The following ASIC2 variants were observed in gnomAD, a reference collection of about 807,000 sequenced individuals.
The protein encoded by ASIC2 is acid-sensing ion channel 2.
In ASIC2, 25 loss-of-function variants were observed where a neutral mutation model predicts 57.3. The ratio of observed to expected loss-of-function variants is 0.44; its 90% CI spans 0.32 to 0.61. ASIC2 has a LOEUF of 0.61. Ranked by LOEUF, ASIC2 falls within the 20% of genes least tolerant of loss-of-function variation. The pLI is 0.06. For missense variants in ASIC2, 641 were observed against 738.1 expected (o/e 0.87, Z 1.52); for synonymous variants, 319 against 307.5 (o/e 1.04, Z -0.39).
chr17:33,805,536 A>G (rs1912245078), intron 1 of ASIC2, among the ~76,000 whole-genome samples: 1 of 152,304 alleles, frequency 6.6e-6, no homozygotes, highest in African/African-American at 2.4e-5. Context: ...TTAGAATCCA[A>G]TGAGTGTCAA....
intron 1 of ASIC2, among the ~76,000 whole-genome samples, chr17:33,390,472 TA>T (rs1275394265): frequency 7.2e-5 from 11 of 152,322 alleles, no homozygotes; most frequent in Middle Eastern, 3.4e-3. Context: ...TTTTGTGGCT[TA>T]AAAAACTCAC....
At chr17:33,977,809 A>G (rs909501588) in intron 1 of ASIC2, among the ~76,000 whole-genome samples, 3 of 152,122 alleles carry the variant, frequency 2.0e-5, no homozygotes, top group Non-Finnish European at 2.9e-5. Flanking sequence ...GTTCCCAGGG[A>G]CAGAGAAGGC....
At chr17:33,119,993 A>G (rs1485577851) in intron 1 of ASIC2, among the ~76,000 whole-genome samples, 1 of 152,222 alleles carries the variant, frequency 6.6e-6, no homozygotes, top group Non-Finnish European at 1.5e-5. Context: ...GTTAAGGCTC[A>G]CAAAGCTCTT....
chr17:33,744,596 C>T (rs905220024), intron 1 of ASIC2, among the ~76,000 whole-genome samples: 1 of 152,064 alleles, frequency 6.6e-6, no homozygotes, highest in East Asian at 1.9e-4. Context: ...AAATCAGTAT[C>T]CAGAATTGCT....
chr17:33,217,714 A>G (rs919809594), intron 1 of ASIC2, among the ~76,000 whole-genome samples: 11 of 152,170 alleles, frequency 7.2e-5, no homozygotes, highest in Non-Finnish European at 1.5e-5. Flanking sequence ...GTCCTGTTTG[A>G]ACTTCAGGTT....
chr17:33,855,922 T>C (rs969515613), intron 1 of ASIC2, among the ~76,000 whole-genome samples: 1 of 152,082 alleles, frequency 6.6e-6, no homozygotes, highest in Non-Finnish European at 1.5e-5. Context: ...ATGCTGGTGC[T>C]ATGCCTGGAT....
At chr17:33,746,331 T>G (rs1910258972) in intron 1 of ASIC2, among the ~76,000 whole-genome samples, 1 of 149,344 alleles carries the variant, frequency 6.7e-6, no homozygotes, top group African/African-American at 2.4e-5. Flanking sequence ...TATACATATA[T>G]GTATATATAC....
At chr17:33,449,347 G>A (rs1308128367) in intron 1 of ASIC2, among the ~76,000 whole-genome samples, 1 of 152,166 alleles carries the variant, frequency 6.6e-6, no homozygotes, top group Non-Finnish European at 1.5e-5. Context: ...GTCAAGATCT[G>A]CAGCCTTGTG....
At chr17:34,085,370 G>T (rs1910071335) in intron 1 of ASIC2, among the ~76,000 whole-genome samples, 1 of 152,204 alleles carries the variant, frequency 6.6e-6, no homozygotes, top group Non-Finnish European at 1.5e-5. Context: ...AACCAGACTT[G>T]CATCCCAGGG....
At chr17:33,829,579 C>CTT (rs34205959) in intron 1 of ASIC2, among the ~76,000 whole-genome samples, 5 of 138,932 alleles carry the variant, frequency 3.6e-5, no homozygotes, top group Admixed American at 7.2e-5. Flanking sequence ...TTAAACTTTT[C>CTT]TTTTTTTTTT....
chr17:33,755,891 A>T (rs1910589155), intron 1 of ASIC2, among the ~76,000 whole-genome samples: 3 of 152,234 alleles, frequency 2.0e-5, no homozygotes, highest in Non-Finnish European at 4.4e-5. Flanking sequence ...CGAGGAGGGC[A>T]GAGAGGGCCC....
intron 1 of ASIC2, among the ~76,000 whole-genome samples, chr17:33,405,608 T>C (rs1475521779): frequency 1.3e-5 from 2 of 151,480 alleles, no homozygotes; most frequent in South Asian, 4.2e-4. Flanking sequence ...CTCAGCCTCC[T>C]GAGTAGCTGG....
chr17:34,149,077 TTTTC>T (rs1468975916), intron 1 of ASIC2, among the ~76,000 whole-genome samples: 1 of 151,798 alleles, frequency 6.6e-6, no homozygotes, highest in African/African-American at 2.4e-5. Context: ...GCGATTTTTC[TTTTC>T]TTTCTTTTTT....
At chr17:34,103,244 T>G (rs891855135) in intron 1 of ASIC2, among the ~76,000 whole-genome samples, 7 of 152,246 alleles carry the variant, frequency 4.6e-5, no homozygotes, top group Middle Eastern at 3.4e-3. Flanking sequence ...CTCCCAGGCT[T>G]GAGCCACGCT....
rs528253550 is a variant in ASIC2 at position 33,522,533 on chromosome 17, C to T, written c.556-410466G>A. ...AGCAACTCACTAAACTTCTCTGACC[C>T]TCTGTTTCCTCATCTGTGAAATAGG... On this transcript the variant is annotated intron_variant, in intron 1 of 9. Transcript: ENST00000359872. Among the ~76,000 whole-genome samples, 24 of 152,306 alleles carry T rather than the reference C, an allele frequency of 1.6e-4. 1 individual carries two copies. The South Asian group carries it at 4.6e-3, about 29-fold the overall frequency.
At chr17:33,298,528 T>C (rs1905816782) in intron 1 of ASIC2, among the ~76,000 whole-genome samples, 1 of 152,246 alleles carries the variant, frequency 6.6e-6, no homozygotes, top group South Asian at 2.1e-4. Context: ...TCCAAGTCTT[T>C]GCTCTTGTGA....
rs567400859 is a variant in ASIC2, at chr17:33,368,426, G to T, written c.556-256359C>A. On this transcript the variant is annotated intron_variant, in intron 1 of 9. Transcript: ENST00000359872. ...CCCCAAGCCCTGGAGGTTTCTAGCT[G>T]AGGGCCCAGACTTCAGGGATCAGAG... Among the ~76,000 whole-genome samples, 15 of 152,328 alleles carry T rather than the reference G, an allele frequency of 9.8e-5. No individual in the cohort carries two copies. The East Asian group carries it at 2.9e-3, about 29-fold the overall frequency.
chr17:33,016,789 G>A (rs2091808246), intron 8 of ASIC2, among the ~76,000 whole-genome samples: 1 of 151,996 alleles, frequency 6.6e-6, no homozygotes, highest in Non-Finnish European at 1.5e-5. Context: ...GACTTCATAG[G>A]TCCAGGCATT....
At chr17:33,334,947 TAATAAC>T (rs1907456956) in intron 1 of ASIC2, among the ~76,000 whole-genome samples, 1 of 152,178 alleles carries the variant, frequency 6.6e-6, no homozygotes, top group Admixed American at 6.5e-5. Flanking sequence ...TATTAGGAGA[TAATAAC>T]AATAAGTCAG....
Sources: gnomAD v4.1 joint callset for allele counts (sites outside exome capture counted in the v4.1 genomes callset) on GRCh38, gnomAD v4.1.1 for gene constraint, MANE v1.5 for transcripts, NCBI Gene and HGNC (gene_info 2026-07-23, HGNC 2026-07-21) for gene names.